The following BROX variants were observed in gnomAD, a reference collection of about 807,000 sequenced individuals.
The protein encoded by BROX is BRO1 domain and CAAX motif containing.
A neutral mutation model predicts 61.0 loss-of-function variants in BROX; 53 were observed. That is an observed-to-expected ratio of 0.87 (90% CI 0.70 to 1.09). The LOEUF (loss-of-function observed/expected upper bound fraction) is 1.09, where lower values mean the gene tolerates loss of function less well. BROX is among the 50% of genes least tolerant of loss of function. The pLI is 0.00. For missense variants in BROX, 489 were observed against 472.0 expected, an observed-to-expected ratio of 1.04 and a Z score of -0.33; for synonymous variants, 152 against 160.2, an observed-to-expected ratio of 0.95 and a Z score of 0.38.
chr1:222,714,308 T>C (rs1324382192), intron 1 of BROX, among the ~76,000 whole-genome samples: 1 of 145,220 alleles, frequency 6.9e-6, no homozygotes, highest in Non-Finnish European at 1.5e-5. Context: ...GCCTCCTGGG[T>C]TCTCCTGCCT....
chr1:222,715,479 G>A (rs1558224637), intron 1 of BROX, among the ~76,000 whole-genome samples: 4 of 152,114 alleles, frequency 2.6e-5, no homozygotes, highest in Admixed American at 6.6e-5. Context: ...AGGCCAAGGC[G>A]GGTGGATCAC....
chr1:222,728,864 T>C lies in BROX; in HGVS notation c.756+36T>C, dbSNP rs1571986222. Reference sequence around the variant, plus strand: ...ACAACGCTAAAAACAATGTAAATTATTGTTTCTCCAGCCCTTGGAGTGCCA... The same window carrying C: ...ACAACGCTAAAAACAATGTAAATTACTGTTTCTCCAGCCCTTGGAGTGCCA... On this transcript the variant is annotated intron_variant, in intron 9 of 12. Coordinates refer to ENST00000340934, the MANE Select transcript of BROX (RefSeq NM_144695.4). 7 of 1,479,290 alleles carry C rather than the reference T, an allele frequency of 4.7e-6. No homozygotes were observed. In the East Asian group the frequency reaches 1.6e-4, roughly 34 times the overall value. 91.6% of individuals were successfully genotyped at this position (1,479,290 alleles called of 1,614,324 possible). A position where few individuals can be genotyped will look rare whatever the true frequency, so the allele number is the denominator to read the frequency against.
In BROX at chr1:222,712,822, T is replaced by A. The variant is rs1558221081; in HGVS notation, c.-137T>A. On this transcript the variant is annotated 5_prime_UTR_variant, in exon 1 of 13. Coordinates refer to ENST00000340934, the MANE Select transcript of BROX (RefSeq NM_144695.4). The stretch of plus-strand genomic sequence containing the variant: ...TGACTCCGGCTTGGCGCCGTCCTGG[T>A]TTTCCGTCACCCTGGTTCTGTAGTC... 1 of 1,288,372 alleles carries A rather than the reference T, an allele frequency of 7.8e-7. No individual in the cohort carries two copies. Among genetic ancestry groups the A allele is most frequent in the South Asian group, 1.2e-5 (1 of 80,804 alleles). The allele number at this position is 1,288,372 out of a possible 1,614,324, so 79.8% of individuals were successfully genotyped here.
At position 222,733,672 on chromosome 1, in the gene BROX, T is replaced by C. The variant is rs375390760; in HGVS notation, c.*958T>C. ...GTATGTTGGCACCTTATCCAAGAACTTATCCCTGTTCCAGTACCCCTGTGC... is the reference window on the plus strand; with the variant it reads ...GTATGTTGGCACCTTATCCAAGAACCTATCCCTGTTCCAGTACCCCTGTGC... On this transcript the variant is annotated 3_prime_UTR_variant, in exon 13 of 13. Transcript: ENST00000340934. 1 of 152,208 alleles carries C rather than the reference T, an allele frequency of 6.6e-6. No individual in the cohort carries two copies. The highest frequency in any genetic ancestry group is 2.4e-5 in the African/African-American group (1 of 41,456). 9.4% of individuals were successfully genotyped at this position (152,208 alleles called of 1,614,324 possible). A position where few individuals can be genotyped will look rare whatever the true frequency, so the allele number is the denominator to read the frequency against.
At chr1:222,729,254 A>G (rs1657752757) in intron 9 of BROX, among the ~76,000 whole-genome samples, 1 of 152,160 alleles carries the variant, frequency 6.6e-6, no homozygotes, top group Non-Finnish European at 1.5e-5. Context: ...TTGTTTTGTT[A>G]ATTAGAATAT....
At chr1:222,726,349 T>G (rs139560610) in intron 7 of BROX, among the ~76,000 whole-genome samples, 2,129 of 152,262 alleles carry the variant, frequency 0.014, 62 homozygotes, top group African/African-American at 0.049. Flanking sequence ...GAGAATTGCT[T>G]GAGCCCAGGA....
chr1:222,727,280 AC>A lies in BROX; in HGVS notation c.670+24del, dbSNP rs544801453. ...CTGGTAAGCTTCTAATTCTGTCGTTACATTTTTAGTCTTTAGATTTTCAGAT... is the reference window on the plus strand; with the variant it reads ...CTGGTAAGCTTCTAATTCTGTCGTTAATTTTTAGTCTTTAGATTTTCAGAT... On this transcript the variant is annotated intron_variant, in intron 8 of 12. Coordinates refer to ENST00000340934, the MANE Select transcript of BROX (RefSeq NM_144695.4). The A allele has an allele frequency of 7.7e-5, 118 of 1,522,838 alleles. No individual in the cohort carries two copies. In the African/African-American group the frequency reaches 1.4e-3, roughly 18 times the overall value. 94.3% of individuals were successfully genotyped at this position (1,522,838 alleles called of 1,614,324 possible).
At chr1:222,732,336 G>A (rs995495783) in intron 12 of BROX, among the ~76,000 whole-genome samples, 8 of 152,010 alleles carry the variant, frequency 5.3e-5, no homozygotes, top group Non-Finnish European at 1.0e-4. Flanking sequence ...TTAGCATTAG[G>A]TATATCTCCT....
intron 2 of BROX, 100 bp from the exon 3 acceptor site, chr1:222,718,825 G>A: frequency 1.2e-6 from 1 of 867,474 alleles, no homozygotes; most frequent in Non-Finnish European, 1.9e-6. Flanking sequence ...GTGTGTATGT[G>A]TGTGTGTTTT....
At chr1:222,729,851 A>G in intron 10 of BROX, 150 bp downstream of exon 10, 7 of 1,054,038 alleles carry the variant, frequency 6.6e-6, no homozygotes, top group Non-Finnish European at 9.5e-6. Flanking sequence ...AAAATGTTTC[A>G]GAAACCTAGA....
In BROX at chr1:222,731,524, A is replaced by T; in HGVS notation, c.1149+8A>T. ...AGACCCAAGGATGACAGTGTATGAG[A>T]TTGTTTTTTTTTTTCCCTCTCATTC... On this transcript the variant is annotated splice_region_variant and intron_variant, in intron 12 of 12. Coordinates refer to ENST00000340934, the MANE Select transcript of BROX (RefSeq NM_144695.4). 1 of 1,568,872 alleles carries T rather than the reference A, an allele frequency of 6.4e-7. No individual in the cohort carries two copies. Among genetic ancestry groups the T allele is most frequent in the Non-Finnish European group, 8.6e-7 (1 of 1,166,820 alleles).
intron 7 of BROX, 58 bp downstream of exon 7, chr1:222,725,613 T>C: frequency 7.2e-7 from 1 of 1,381,852 alleles, no homozygotes; most frequent in East Asian, 2.5e-5. Context: ...ATTGAATTCC[T>C]CTTTAAAAAT....
intron 4 of BROX, among the ~76,000 whole-genome samples, chr1:222,721,779 C>G (rs1425585931): frequency 6.6e-6 from 1 of 152,086 alleles, no homozygotes; most frequent in East Asian, 1.9e-4. Flanking sequence ...TTGCCTTCAG[C>G]TTGCTTTTTG....
chr1:222,732,931 A>G lies in BROX; in HGVS notation c.*217A>G, dbSNP rs1658047586. Reference sequence around the variant, plus strand: ...CCTTTTTAATCAGGACAACATTTGAAAGATTTTATTGTGCCTCTAAAGGGT... The same window carrying G: ...CCTTTTTAATCAGGACAACATTTGAGAGATTTTATTGTGCCTCTAAAGGGT... On this transcript the variant is annotated 3_prime_UTR_variant, in exon 13 of 13. Transcript: ENST00000340934. The G allele has an allele frequency of 1.9e-6, 1 of 517,334 alleles. No individual in the cohort carries two copies. Among genetic ancestry groups the G allele is most frequent in the Non-Finnish European group, 3.4e-6 (1 of 295,368 alleles). The allele number at this position is 517,334 out of a possible 1,614,324, so 32.0% of individuals were successfully genotyped here.
chr1:222,720,243 A>G (rs1166306958), intron 4 of BROX, among the ~76,000 whole-genome samples: 1 of 152,208 alleles, frequency 6.6e-6, no homozygotes, highest in African/African-American at 2.4e-5. Context: ...TACTAGGCTT[A>G]TAAGACATTC....
rs1464988340 is a variant in BROX, at chr1:222,733,689, C to T, written c.*975C>T. On this transcript the variant is annotated 3_prime_UTR_variant, in exon 13 of 13. Transcript: ENST00000340934. ...CCAAGAACTTATCCCTGTTCCAGTA[C>T]CCCTGTGCTTCATTCAGTATCAGTA... The T allele has an allele frequency of 6.6e-6, 1 of 152,146 alleles. No homozygotes were observed. Among genetic ancestry groups the T allele is most frequent in the African/African-American group, 2.4e-5 (1 of 41,422 alleles). The allele number at this position is 152,146 out of a possible 1,614,324, so 9.4% of individuals were successfully genotyped here.
chr1:222,716,360 A>G (rs572430029), intron 2 of BROX, among the ~76,000 whole-genome samples: 4 of 152,302 alleles, frequency 2.6e-5, no homozygotes, highest in African/African-American at 9.6e-5. Flanking sequence ...TGGCCTCCCA[A>G]AGTGCTGGGA....
chr1:222,725,570 G>A lies in BROX; in HGVS notation c.580+15G>A, dbSNP rs1657442248. The A allele has an allele frequency of 6.4e-7, 1 of 1,557,540 alleles. No homozygotes were observed. Among genetic ancestry groups the A allele is most frequent in the Non-Finnish European group, 8.7e-7 (1 of 1,147,030 alleles). ...AGCTCAAGAAGGTATCCTAAATATT[G>A]TAAGATTTTTTTAAATGAAAGTCTA... On this transcript the variant is annotated intron_variant, in intron 7 of 12. Transcript: ENST00000340934.
intron 7 of BROX, among the ~76,000 whole-genome samples, 171 bp downstream of exon 7, chr1:222,725,726 G>A (rs948948853): frequency 5.3e-5 from 8 of 151,756 alleles, no homozygotes; most frequent in African/African-American, 1.5e-4. Flanking sequence ...CCTGGGCAAC[G>A]TGGCAAAACC....
Sources: gnomAD v4.1 joint callset for allele counts (sites outside exome capture counted in the v4.1 genomes callset) on GRCh38, gnomAD v4.1.1 for gene constraint, MANE v1.5 for transcripts, NCBI Gene and HGNC (gene_info 2026-07-23, HGNC 2026-07-21) for gene names.